GPATCH2: variants seen among roughly 807,000 people sequenced by gnomAD.
The protein encoded by GPATCH2 is G-patch domain containing 2, also known as G patch domain-containing protein 2.
In GPATCH2, 51 loss-of-function variants were observed where a neutral mutation model predicts 58.0. That is an observed-to-expected ratio of 0.88 (90% CI 0.70 to 1.11). The LOEUF (loss-of-function observed/expected upper bound fraction) is 1.11, where lower values mean the gene tolerates loss of function less well. Ranked by LOEUF, GPATCH2 falls within the 50% of genes most tolerant of loss-of-function variation. GPATCH2 has a pLI of 0.00. For missense variants in GPATCH2, 625 were observed against 652.2 expected (o/e 0.96, Z 0.45); for synonymous variants, 222 against 218.5 (o/e 1.02, Z -0.14).
At position 217,465,976 on chromosome 1, in the gene GPATCH2, G is replaced by C. The variant is rs975533948; in HGVS notation, c.1278-16639C>G. ...AATCAGACTATATCAGATATAGAAA[G>C]CAACGTTTTATACAGGCATTGGAGT... On this transcript the variant is annotated intron_variant, in intron 8 of 9. Coordinates refer to ENST00000366935, the MANE Select transcript of GPATCH2 (RefSeq NM_018040.5). 3.3e-5 allele frequency among the ~76,000 whole-genome samples: 5 copies of C among 152,232 alleles called. No individual in the cohort carries two copies. The South Asian group carries it at 1.0e-3, about 32-fold the overall frequency.
chr1:217,459,061 A>G (rs563736095), intron 8 of GPATCH2, among the ~76,000 whole-genome samples: 1 of 152,348 alleles, frequency 6.6e-6, no homozygotes, highest in East Asian at 1.9e-4. Flanking sequence ...TAAAACCACC[A>G]TAACTATCAT....
At chr1:217,450,835 T>A (rs1461741124) in intron 8 of GPATCH2, among the ~76,000 whole-genome samples, 3 of 152,108 alleles carry the variant, frequency 2.0e-5, no homozygotes, top group Non-Finnish European at 4.4e-5. Context: ...TGTCTACTTT[T>A]TAAGATTATA....
chr1:217,536,971 C>T (rs1312521867), intron 5 of GPATCH2, among the ~76,000 whole-genome samples: 1 of 152,130 alleles, frequency 6.6e-6, no homozygotes, highest in African/African-American at 2.4e-5. Context: ...GACTCCATCT[C>T]AAACAAAACA....
At chr1:217,572,124 A>G (rs1666593911) in intron 5 of GPATCH2, among the ~76,000 whole-genome samples, 1 of 152,164 alleles carries the variant, frequency 6.6e-6, no homozygotes. Flanking sequence ...ATCATGTGGC[A>G]ACTCTATTCC....
chr1:217,495,050 G>A (rs910374571), intron 7 of GPATCH2: 4 of 638,320 alleles, frequency 6.3e-6, no homozygotes, highest in African/African-American at 3.9e-5. Context: ...TAGGCCAAAC[G>A]AAGATACAAT....
intron 5 of GPATCH2, among the ~76,000 whole-genome samples, chr1:217,583,179 G>A (rs1290770132): frequency 6.6e-6 from 1 of 152,148 alleles, no homozygotes; most frequent in Admixed American, 6.5e-5. Context: ...TACCTGTAAT[G>A]TGGCACACAC....
chr1:217,472,251 G>A (rs7522803), intron 8 of GPATCH2, among the ~76,000 whole-genome samples: 20,143 of 149,232 alleles, frequency 0.13, 2,632 homozygotes, highest in African/African-American at 0.35. Context: ...CAAAAATGAC[G>A]TATCACTTAG....
intron 5 of GPATCH2, among the ~76,000 whole-genome samples, chr1:217,575,604 T>G (rs17046617): frequency 6.6e-6 from 1 of 152,092 alleles, no homozygotes; most frequent in Non-Finnish European, 1.5e-5. Context: ...TCCAAACAAA[T>G]AAATGGCAGT....
chr1:217,548,515 T>G (rs1336110148), intron 5 of GPATCH2, among the ~76,000 whole-genome samples: 1 of 152,238 alleles, frequency 6.6e-6, no homozygotes, highest in African/African-American at 2.4e-5. Context: ...ATACTTTGAA[T>G]ATTTTACAGG....
At chr1:217,515,646 T>A (rs1663097904) in intron 5 of GPATCH2, among the ~76,000 whole-genome samples, 2 of 151,938 alleles carry the variant, frequency 1.3e-5, no homozygotes, top group South Asian at 4.2e-4. Flanking sequence ...AGGCAGAGGC[T>A]GCAGTGGACT....
chr1:217,487,756 T>G (rs1661523249), intron 8 of GPATCH2, among the ~76,000 whole-genome samples: 1 of 151,078 alleles, frequency 6.6e-6, no homozygotes, highest in African/African-American at 2.4e-5. Flanking sequence ...AACCTATGTT[T>G]TTTGGAGACT....
intron 6 of GPATCH2, among the ~76,000 whole-genome samples, chr1:217,514,160 C>CTT (rs1227169328): frequency 6.9e-6 from 1 of 144,172 alleles, no homozygotes; most frequent in African/African-American, 2.5e-5. Flanking sequence ...TCTTTTACTC[C>CTT]TTTTTTTTTT....
At chr1:217,578,252 C>T (rs1002890432) in intron 5 of GPATCH2, among the ~76,000 whole-genome samples, 2 of 151,642 alleles carry the variant, frequency 1.3e-5, no homozygotes, top group African/African-American at 2.4e-5. Context: ...ATTTTAAGAC[C>T]GGGTCTTGCT....
At chr1:217,628,808 A>T (rs1012954496) in intron 1 of GPATCH2, among the ~76,000 whole-genome samples, 6 of 152,080 alleles carry the variant, frequency 3.9e-5, no homozygotes, top group Non-Finnish European at 8.8e-5. Context: ...ATGGGAGCTA[A>T]ATAAGTCAGA....
At chr1:217,524,430 A>T (rs1215955212) in intron 5 of GPATCH2, among the ~76,000 whole-genome samples, 1 of 151,442 alleles carries the variant, frequency 6.6e-6, no homozygotes, top group Non-Finnish European at 1.5e-5. Flanking sequence ...GCGGCCAGGC[A>T]GAGACGCTCC....
At chr1:217,432,667 T>C (rs569665407) in intron 9 of GPATCH2, among the ~76,000 whole-genome samples, 2 of 152,308 alleles carry the variant, frequency 1.3e-5, no homozygotes, top group African/African-American at 4.8e-5. Context: ...TCAGAAGTCT[T>C]AATTATCAGA....
At chr1:217,626,852 A>C (rs772701824) in intron 1 of GPATCH2, among the ~76,000 whole-genome samples, 93 of 152,134 alleles carry the variant, frequency 6.1e-4, no homozygotes, top group Non-Finnish European at 1.2e-3. Context: ...ATTAATCAAA[A>C]GTAAATTTTT....
At chr1:217,441,124 AC>A (rs201172188) in intron 9 of GPATCH2, among the ~76,000 whole-genome samples, 2,060 of 152,348 alleles carry the variant, frequency 0.014, 17 homozygotes, top group Middle Eastern at 0.054. Context: ...GGCTACAGTA[AC>A]CAAAACAGCA....
intron 8 of GPATCH2, among the ~76,000 whole-genome samples, chr1:217,463,497 T>C (rs1209056944): frequency 6.6e-6 from 1 of 151,840 alleles, no homozygotes; most frequent in Non-Finnish European, 1.5e-5. Context: ...TTTAAGGCAA[T>C]GAGAAGCCAT....
Sources: gnomAD v4.1 joint callset for allele counts (sites outside exome capture counted in the v4.1 genomes callset) on GRCh38, gnomAD v4.1.1 for gene constraint, MANE v1.5 for transcripts, NCBI Gene and HGNC (gene_info 2026-07-23, HGNC 2026-07-21) for gene names.